Variants in MCM5 observed in about 807,000 individuals in gnomAD.
The protein encoded by MCM5 is minichromosome maintenance complex component 5.
A neutral mutation model predicts 79.9 loss-of-function variants in MCM5; 46 were observed. The observed-to-expected ratio is 0.58, with a 90% CI of 0.45 to 0.74. MCM5 has a LOEUF of 0.74. Among genes scored for constraint, MCM5 ranks in the 30% least tolerant of loss-of-function variants. The probability of loss-of-function intolerance (pLI) is 0.00; values close to 1 mark genes in which losing one functional copy is unlikely to be tolerated. For synonymous variants in MCM5, 404 were observed against 390.5 expected (o/e 1.03, Z -0.41); for missense variants, 883 against 1,017.0 (o/e 0.87, Z 1.79).
At chr22:35,410,603 G>T in intron 6 of MCM5, 141 bp from the exon 7 acceptor site, 1 of 791,388 alleles carries the variant, frequency 1.3e-6, no homozygotes, top group Non-Finnish European at 2.2e-6. Flanking sequence ...GCTCCGTGGG[G>T]CTGGAGCCAG....
intron 15 of MCM5, chr22:35,421,748 G>T (rs1396610028): frequency 1.7e-5 from 8 of 464,608 alleles, no homozygotes; most frequent in Admixed American, 1.0e-4. Context: ...AACAGTTGAT[G>T]CTCTGCTTCC....
intron 5 of MCM5, 90 bp from the exon 6 acceptor site, chr22:35,408,318 A>G: frequency 7.7e-7 from 1 of 1,299,460 alleles, no homozygotes; most frequent in Non-Finnish European, 1.1e-6. Context: ...TGCCGCTGGC[A>G]ACGTCTCCTT....
At chr22:35,411,039 T>C in intron 7 of MCM5, 129 bp downstream of exon 7, 1 of 792,646 alleles carries the variant, frequency 1.3e-6, no homozygotes, top group Non-Finnish European at 1.9e-6. Context: ...CATTAGAACG[T>C]TCATTTTTAT....
In MCM5 at chr22:35,416,376, T is replaced by C. The variant is rs766632756; in HGVS notation, c.1385T>C (p.Met462Thr). ...EDDRVAIHEA[M>T]EQQTISIAKA... The stretch of plus-strand genomic sequence containing the variant: ...GACCGTGTGGCAATCCACGAAGCCA[T>C]GGAGCAGCAGACCATCTCTATCGCC... The change falls in exon 11 of 17, where the codon ATG becomes ACG. Residue 462 changes from methionine to threonine, a missense_variant. This residue lies in a region of MCM5 where 426 missense variants were observed against 482.3 expected (regional missense o/e 0.88). Coordinates refer to ENST00000216122, the MANE Select transcript of MCM5 (RefSeq NM_006739.4). The C allele has an allele frequency of 1.2e-6, 2 of 1,613,218 alleles. No homozygotes were observed. Among genetic ancestry groups the C allele is most frequent in the Admixed American group, 1.7e-5 (1 of 59,978 alleles).
intron 6 of MCM5, among the ~76,000 whole-genome samples, chr22:35,410,196 G>A (rs1160308306): frequency 6.6e-6 from 1 of 152,104 alleles, no homozygotes; most frequent in Non-Finnish European, 1.5e-5. Flanking sequence ...ACACCACCCT[G>A]TCTCTGACTG....
chr22:35,415,723 T>G (rs1018416696), intron 9 of MCM5, 106 bp from the exon 10 acceptor site: 26 of 1,289,508 alleles, frequency 2.0e-5, no homozygotes, highest in Non-Finnish European at 2.7e-5. Context: ...GCAGCCAGCT[T>G]TGATGTGTGA....
intron 4 of MCM5, 82 bp from the exon 5 acceptor site, chr22:35,406,471 C>A: frequency 7.4e-7 from 1 of 1,357,696 alleles, no homozygotes; most frequent in Non-Finnish European, 1.0e-6. Flanking sequence ...CCTCCAGGCT[C>A]CTGCCCAGGA....
chr22:35,452,291 C>T, the MCM5 span, among the ~76,000 whole-genome samples: 2 of 152,108 alleles, frequency 1.3e-5, no homozygotes, highest in Non-Finnish European at 2.9e-5. Context: ...CCCACGCAGG[C>T]CTCGACCACA....
intron 7 of MCM5, 33 bp from the exon 8 acceptor site, chr22:35,412,477 G>C: frequency 6.7e-7 from 1 of 1,493,112 alleles, no homozygotes; most frequent in Non-Finnish European, 9.0e-7. Context: ...GAGCTCCCTT[G>C]TACTCACTCA....
the MCM5 span, among the ~76,000 whole-genome samples, chr22:35,448,936 C>T: frequency 4.6e-5 from 7 of 152,260 alleles, no homozygotes; most frequent in Non-Finnish European, 7.3e-5. Flanking sequence ...CTGTAATGCC[C>T]AGCACTGGGA....
At chr22:35,436,636 C>T in the MCM5 span, among the ~76,000 whole-genome samples, 2 of 152,182 alleles carry the variant, frequency 1.3e-5, no homozygotes, top group Non-Finnish European at 2.9e-5. Flanking sequence ...CCCCTTCACT[C>T]TTGTGCAGAG....
At chr22:35,452,151 G>A in the MCM5 span, among the ~76,000 whole-genome samples, 2 of 152,152 alleles carry the variant, frequency 1.3e-5, no homozygotes, top group South Asian at 4.1e-4. Flanking sequence ...GGGGGCTTGG[G>A]CATCACTTGA....
intron 9 of MCM5, among the ~76,000 whole-genome samples, chr22:35,414,619 A>AAAT (rs529566965): frequency 2.6e-4 from 40 of 151,480 alleles, no homozygotes; most frequent in East Asian, 2.5e-3. Flanking sequence ...ACCATGTTTC[A>AAAT]AATAATAATA....
the MCM5 span, among the ~76,000 whole-genome samples, chr22:35,451,383 C>T: frequency 1.8e-4 from 27 of 152,258 alleles, no homozygotes; most frequent in Admixed American, 1.4e-3. Flanking sequence ...GCGAAGAGAT[C>T]GGCCCCCTTG....
chr22:35,451,067 C>T, the MCM5 span, among the ~76,000 whole-genome samples: 62 of 152,318 alleles, frequency 4.1e-4, 1 homozygote, highest in South Asian at 0.013. Flanking sequence ...CCCTCTTTCC[C>T]CTCCATGCTC....
At chr22:35,416,280 A>ACTGCTCC in intron 10 of MCM5, 59 bp from the exon 11 acceptor site, 1 of 1,527,898 alleles carries the variant, frequency 6.5e-7, no homozygotes, top group Admixed American at 1.7e-5. Context: ...TCCTGTTTCT[A>ACTGCTCC]CTGCTCCCTG....
the MCM5 span, among the ~76,000 whole-genome samples, chr22:35,450,175 T>C: frequency 0.68 from 102,727 of 151,942 alleles, 35,717 homozygotes; most frequent in Non-Finnish European, 0.76. Context: ...TAATGGAATC[T>C]GCCTCCTGGG....
At chr22:35,436,179 A>AAG in the MCM5 span, among the ~76,000 whole-genome samples, 369 of 144,336 alleles carry the variant, frequency 2.6e-3, 7 homozygotes, top group Admixed American at 3.9e-3. Flanking sequence ...AAAAAAAAAA[A>AAG]AAAAGAAAAA....
At chr22:35,442,168 C>T in the MCM5 span, among the ~76,000 whole-genome samples, 7 of 152,088 alleles carry the variant, frequency 4.6e-5, no homozygotes, top group Admixed American at 6.5e-5. Flanking sequence ...CCCCCTGGCC[C>T]CACCTGACAC....
Sources: gnomAD v4.1 joint callset for allele counts (sites outside exome capture counted in the v4.1 genomes callset) on GRCh38, gnomAD v4.1.1 for gene constraint, gnomAD v4.1.1 regional missense constraint, MANE v1.5 for transcripts, NCBI Gene and HGNC (gene_info 2026-07-23, HGNC 2026-07-21) for gene names.